ABCA2: variants seen among roughly 807,000 people sequenced by gnomAD.
ABCA2 encodes ATP binding cassette subfamily A member 2.
In ABCA2, 84 loss-of-function variants were observed where a neutral mutation model predicts 262.8. The ratio of observed to expected loss-of-function variants is 0.32; its 90% CI spans 0.27 to 0.38. ABCA2 has a LOEUF of 0.38. Among genes scored for constraint, ABCA2 ranks in the 10% least tolerant of loss-of-function variants. The probability of loss-of-function intolerance (pLI) is 1.00; values close to 1 mark genes in which losing one functional copy is unlikely to be tolerated. For missense variants in ABCA2, 2,662 were observed against 3,405.9 expected (o/e 0.78, Z 5.44); for synonymous variants, 1,696 against 1,502.9 (o/e 1.13, Z -2.97).
rs773764922 is a variant in ABCA2 at position 137,011,785 on chromosome 9, G to A, written c.5536-36C>T. On this transcript the variant is annotated intron_variant, in intron 35 of 48. Coordinates refer to ENST00000341511, the MANE Select transcript of ABCA2 (RefSeq NM_001606.5). The surrounding 1 kb of genome is among the most constrained non-coding windows in gnomAD (Gnocchi z 8.8). Reference sequence around the variant, plus strand: ...GGGGGCGGCTGGTGAGAGACCCGGGGCAGGGCGGGGATGGGGGATGAGAAG... The same window carrying A: ...GGGGGCGGCTGGTGAGAGACCCGGGACAGGGCGGGGATGGGGGATGAGAAG... 141 of 1,543,848 alleles carry A rather than the reference G, an allele frequency of 9.1e-5. No homozygotes were observed. Among genetic ancestry groups the A allele is most frequent in the Non-Finnish European group, 7.0e-6 (8 of 1,141,892 alleles).
chr9:137,026,338 C>G (rs1408577089), intron 1 of ABCA2, among the ~76,000 whole-genome samples: 1 of 152,222 alleles, frequency 6.6e-6, no homozygotes, highest in Non-Finnish European at 1.5e-5. Context: ...GCGCATGGCA[C>G]ACAGGGCAAA....
Position 137,013,513 on chromosome 9 carries a change from G to A in ABCA2, c.4498C>T (p.Gln1500Ter). 6.2e-7 allele frequency: 1 copy of A among 1,610,332 alleles called. No homozygotes were observed. The highest frequency in any genetic ancestry group is 8.5e-7 in the Non-Finnish European group (1 of 1,179,448). The change falls in exon 29 of 49, where the codon CAG (glutamine) becomes TAG (stop). Residue 1500 changes from glutamine to a stop codon, truncating the protein, a stop_gained. Coordinates refer to ENST00000341511, the MANE Select transcript of ABCA2 (RefSeq NM_001606.5). LOFTEE classifies it high-confidence loss of function. ...TAGGGGATGAAATTGCCACGGGGCTGGGTGTAGTTGTGGTACTGGGAAGGT... is the reference window on the plus strand; with the variant it reads ...TAGGGGATGAAATTGCCACGGGGCTAGGTGTAGTTGTGGTACTGGGAAGGT... The part of the protein sequence containing the change: ...LSPSQYHNYT[Q>*]PRGNFIPYAN...
rs750762361 is a variant in ABCA2, at chr9:137,023,082, G to A, written c.164-30C>T. 11 of 1,499,186 alleles carry A rather than the reference G, an allele frequency of 7.3e-6. No homozygotes were observed. Among genetic ancestry groups the A allele is most frequent in the South Asian group, 3.6e-5 (3 of 83,282 alleles). The allele number at this position is 1,499,186 out of a possible 1,614,324, so 92.9% of individuals were successfully genotyped here. ...CAGACCCACGGGAGAGGGCAGGGTC[G>A]GGGGTGAAAGGGGAGAGAGAGAGAG... On this transcript the variant is annotated intron_variant, in intron 3 of 48. Transcript: ENST00000341511.
intron 22 of ABCA2, 26 bp downstream of exon 22, chr9:137,015,931 ACCTGC>A: frequency 2.4e-6 from 1 of 414,428 alleles, no homozygotes. Flanking sequence ...GCCTCCGCCC[ACCTGC>A]CCCGCCCCCC....
At chr9:137,022,237 G>A (rs987274924) in intron 6 of ABCA2, 114 bp downstream of exon 6, 276 of 1,419,412 alleles carry the variant, frequency 1.9e-4, no homozygotes, top group Non-Finnish European at 2.5e-4. Context: ...TGGGGGCAAG[G>A]TTCAGACGGT....
Position 137,019,150 on chromosome 9 carries a change from C to T in ABCA2, c.1554+28G>A. The T allele has an allele frequency of 6.2e-7, 1 of 1,605,902 alleles. No individual in the cohort carries two copies. The highest frequency in any genetic ancestry group is 8.5e-7 in the Non-Finnish European group (1 of 1,175,276). On this transcript the variant is annotated intron_variant, in intron 11 of 48. Coordinates refer to ENST00000341511, the MANE Select transcript of ABCA2 (RefSeq NM_001606.5). This position sits in a 1 kb window ranked among gnomAD's most constrained non-coding sequence, Gnocchi z 4.4. ...GAGGGGCTCCCCACACCACCCACAG[C>T]CGCCTCCCTCGCGGGCACCCTTGGC...
rs762122846 is a variant in ABCA2, at chr9:137,019,088, G to C, written c.1555-18C>G. The C allele has an allele frequency of 1.9e-6, 3 of 1,603,922 alleles. No individual in the cohort carries two copies. The highest frequency in any genetic ancestry group is 2.6e-6 in the Non-Finnish European group (3 of 1,173,668). Reference sequence around the variant, plus strand: ...GCTACATACTTGGGGTGGAGGGGCGGCTCAGAGGGGGACCTGCGCCTGCCG... The same window carrying C: ...GCTACATACTTGGGGTGGAGGGGCGCCTCAGAGGGGGACCTGCGCCTGCCG... On this transcript the variant is annotated intron_variant, in intron 11 of 48. Transcript: ENST00000341511. This position sits in a 1 kb window ranked among gnomAD's most constrained non-coding sequence, Gnocchi z 4.4.
Position 137,009,573 on chromosome 9 carries a change from C to T in ABCA2, c.6702G>A (p.Lys2234=). ...FLWNLILDLI[K]TGRSVVLTSH... ...ATGTCAGCACCACTGAACGCCCTGT[C>T]TTGATGAGGTCAAGGATGAGGTTCC... The change falls in exon 44 of 49, where the codon AAG becomes AAA. Residue 2234 remains lysine (K), a synonymous_variant. Transcript: ENST00000341511. 1 of 1,612,940 alleles carries T rather than the reference C, an allele frequency of 6.2e-7. No individual in the cohort carries two copies.
At position 137,015,156 on chromosome 9, in the gene ABCA2, A is replaced by G. The variant is rs1026322495; in HGVS notation, c.3698-59T>C. ...TCAGGGGCTGGGAGGAGGGACCCCC[A>G]ATGGGAACCCAACTGGGTCAAGATA... On this transcript the variant is annotated intron_variant, in intron 24 of 48. Coordinates refer to ENST00000341511, the MANE Select transcript of ABCA2 (RefSeq NM_001606.5). The G allele has an allele frequency of 7.3e-6, 11 of 1,509,724 alleles. No homozygotes were observed. In the African/African-American group the frequency reaches 1.4e-4, roughly 19 times the overall value. The allele number at this position is 1,509,724 out of a possible 1,614,324, so 93.5% of individuals were successfully genotyped here.
chr9:137,010,791 C>G, intron 39 of ABCA2, 54 bp from the exon 40 acceptor site: 2 of 1,559,206 alleles, frequency 1.3e-6, no homozygotes, highest in South Asian at 2.3e-5. Flanking sequence ...ACTGCCCCTC[C>G]CTGCCACCAG....
chr9:137,011,607 G>T lies in ABCA2; in HGVS notation c.5651+27C>A. 6.4e-7 allele frequency: 1 copy of T among 1,554,334 alleles called. No individual in the cohort carries two copies. Among genetic ancestry groups the T allele is most frequent in the Non-Finnish European group, 8.7e-7 (1 of 1,149,334 alleles). On this transcript the variant is annotated intron_variant, in intron 36 of 48. Transcript: ENST00000341511. This position sits in a 1 kb window ranked among gnomAD's most constrained non-coding sequence, Gnocchi z 8.8. ...CCAGGCAGCCCCGGTCCCACCTGAG[G>T]CCGCTCCCCCCTCCGCTTCCGCTTA...
At chr9:137,028,343 C>T, upstream of ABCA2, 1 of 888,624 alleles carries the variant, frequency 1.1e-6, no homozygotes, top group Non-Finnish European at 1.3e-6. This position sits in a 1 kb window ranked among gnomAD's most constrained non-coding sequence, Gnocchi z 6.9. Context: ...CGCTTAAAGG[C>T]GCCGCGCTCC....
At chr9:137,012,966 G>T in intron 30 of ABCA2, 36 bp downstream of exon 30, 1 of 1,480,528 alleles carries the variant, frequency 6.8e-7, no homozygotes, top group East Asian at 2.5e-5. Context: ...ACCCCTCACT[G>T]CCCCTGCCCC....
In ABCA2 at chr9:137,010,887, G is replaced by GT. The variant is rs1831013796; in HGVS notation, c.6056+85_6056+86insA. On this transcript the variant is annotated intron_variant, in intron 39 of 48. Coordinates refer to ENST00000341511, the MANE Select transcript of ABCA2 (RefSeq NM_001606.5). ...CCTCACCCCCTCCTGCCCCATCCCTGCCCCCACCCCCGCCCCTACCCTGCC... is the reference window on the plus strand; with the variant it reads ...CCTCACCCCCTCCTGCCCCATCCCTGTCCCCCACCCCCGCCCCTACCCTGCC... The GT allele has an allele frequency of 8.0e-6, 4 of 497,082 alleles. No homozygotes were observed. In the African/African-American group the frequency reaches 1.7e-4, roughly 21 times the overall value. The allele number at this position is 497,082 out of a possible 1,614,324, so 30.8% of individuals were successfully genotyped here.
At chr9:137,009,222 A>G in intron 45 of ABCA2, 148 bp downstream of exon 45, 1 of 336,658 alleles carries the variant, frequency 3.0e-6, no homozygotes, top group Non-Finnish European at 4.8e-6. Flanking sequence ...CCCTGGCCCC[A>G]CTGCCCCAGT....
chr9:137,022,013 G>C lies in ABCA2; in HGVS notation c.568-12C>G, dbSNP rs746658810. On this transcript the variant is annotated splice_polypyrimidine_tract_variant and intron_variant, in intron 6 of 48. Coordinates refer to ENST00000341511, the MANE Select transcript of ABCA2 (RefSeq NM_001606.5). ...AGCAGGTGGTAGACCTAGGAGGTGT[G>C]GGGGAATGGCTCAGATGGGGTGTGG... The C allele has an allele frequency of 1.9e-6, 3 of 1,568,470 alleles. No individual in the cohort carries two copies. The highest frequency in any genetic ancestry group is 4.6e-5 in the East Asian group (2 of 43,328).
intron 48 of ABCA2, 159 bp from the exon 49 acceptor site, chr9:137,008,123 G>A (rs1345035732): frequency 6.3e-6 from 6 of 944,946 alleles, no homozygotes; most frequent in East Asian, 2.6e-5. Context: ...CCGGGCCTCC[G>A]TCTGCCGAGT....
At chr9:137,012,050 C>G in intron 34 of ABCA2, 32 bp from the exon 35 acceptor site, 8 of 1,612,314 alleles carry the variant, frequency 5.0e-6, no homozygotes, top group Non-Finnish European at 6.8e-6. Flanking sequence ...TCCTCACGGC[C>G]GGGGCTGCAG....
intron 6 of ABCA2, among the ~76,000 whole-genome samples, 155 bp from the exon 7 acceptor site, chr9:137,022,156 CGATGTAGGTGTGGGGGCGTGGCTCA>C (rs1369610845): frequency 3.3e-5 from 1 of 30,140 alleles, no homozygotes; most frequent in Non-Finnish European, 6.2e-5. Flanking sequence ...GGCGTGGCTC[CGATGTAGGTGTGGGGGCGTGGCTCA>C]GATGGTGGGG....
Sources: gnomAD v4.1 joint callset for allele counts (sites outside exome capture counted in the v4.1 genomes callset) on GRCh38, gnomAD v4.1.1 for gene constraint, Gnocchi (gnomAD v3.1) non-coding constraint, MANE v1.5 for transcripts, NCBI Gene and HGNC (gene_info 2026-07-23, HGNC 2026-07-21) for gene names.